CPA4: variants seen among roughly 807,000 people sequenced by gnomAD.
CPA4 encodes the protein carboxypeptidase A4.
CPA4 carries 49 observed loss-of-function variants against 54.7 expected under a neutral mutation model. The ratio of observed to expected loss-of-function variants is 0.90; its 90% CI spans 0.71 to 1.14. CPA4 has a LOEUF of 1.14. Among genes scored for constraint, CPA4 ranks in the 50% most tolerant of loss-of-function variants. The pLI is 0.00. For missense variants in CPA4, 487 were observed against 525.1 expected (o/e 0.93, Z 0.71); for synonymous variants, 215 against 206.8 (o/e 1.04, Z -0.34).
chr7:130,315,959 C>A (rs575485484), intron 10 of CPA4, among the ~76,000 whole-genome samples: 1 of 152,030 alleles, frequency 6.6e-6, no homozygotes, highest in Non-Finnish European at 1.5e-5. Context: ...CTCATAAAAG[C>A]GTTGTTTTTT....
intron 10 of CPA4, among the ~76,000 whole-genome samples, chr7:130,315,239 G>A (rs572460577): frequency 6.6e-6 from 1 of 152,032 alleles, no homozygotes; most frequent in Non-Finnish European, 1.5e-5. Flanking sequence ...GTAGAAGAGG[G>A]GAAACGAGAG....
intron 1 of CPA4, among the ~76,000 whole-genome samples, chr7:130,297,387 C>T (rs1793666506): frequency 1.3e-5 from 2 of 152,198 alleles, no homozygotes; most frequent in Admixed American, 1.3e-4. Flanking sequence ...AGACTGAGAC[C>T]TGCCCACCCA....
intron 1 of CPA4, 93 bp from the exon 2 acceptor site, chr7:130,298,653 G>A: frequency 2.6e-6 from 2 of 759,554 alleles, no homozygotes; most frequent in East Asian, 4.9e-5. Flanking sequence ...TTTTGGCCTG[G>A]TTACGTCTGG....
At chr7:130,293,891 G>C (rs531681652) in intron 1 of CPA4, among the ~76,000 whole-genome samples, 3 of 151,840 alleles carry the variant, frequency 2.0e-5, no homozygotes, top group African/African-American at 7.3e-5. Context: ...GTGTGTGCGC[G>C]TGTGTGTGTG....
chr7:130,300,904 C>T lies in CPA4; in HGVS notation c.374C>T (p.Ser125Phe). The change falls in exon 4 of 11, where the codon TCC becomes TTC. Residue 125 changes from serine (S) to phenylalanine (F), a missense_variant. Transcript: ENST00000222482. ...SNNFNYGAYH[S>F]LEAIYHEMDN... Reference sequence around the variant, plus strand: ...AACTTCAACTACGGGGCTTACCATTCCCTGGAAGCTGTAAGTGTTTCAGAG... The same window carrying T: ...AACTTCAACTACGGGGCTTACCATTTCCTGGAAGCTGTAAGTGTTTCAGAG... 6.2e-7 allele frequency: 1 copy of T among 1,609,180 alleles called. No homozygotes were observed. Among genetic ancestry groups the T allele is most frequent in the Admixed American group, 1.7e-5 (1 of 60,004 alleles).
intron 6 of CPA4, 186 bp downstream of exon 6, chr7:130,306,106 G>T (rs750073332): frequency 1.9e-4 from 116 of 601,162 alleles, no homozygotes; most frequent in Middle Eastern, 1.8e-3. Flanking sequence ...CGGCCAAATT[G>T]ATTGCGTTCC....
At chr7:130,321,641 C>T (rs1794103165) in intron 10 of CPA4, among the ~76,000 whole-genome samples, 1 of 152,132 alleles carries the variant, frequency 6.6e-6, no homozygotes, top group Non-Finnish European at 1.5e-5. Context: ...CTGGTGAGGC[C>T]TCACAATCAT....
chr7:130,298,864 A>G (rs188666924), intron 2 of CPA4, 37 bp downstream of exon 2: 7 of 1,244,744 alleles, frequency 5.6e-6, no homozygotes, highest in Middle Eastern at 1.9e-4. Flanking sequence ...AGTGTTTTCT[A>G]ACTTTGCTGG....
intron 10 of CPA4, among the ~76,000 whole-genome samples, chr7:130,313,387 T>A (rs777583952): frequency 6.6e-6 from 1 of 152,198 alleles, no homozygotes; most frequent in Non-Finnish European, 1.5e-5. Flanking sequence ...TAGCCCTTTT[T>A]AAAAGTTTTT....
chr7:130,309,083 T>C (rs1793872940), intron 8 of CPA4, among the ~76,000 whole-genome samples: 1 of 152,164 alleles, frequency 6.6e-6, no homozygotes, highest in South Asian at 2.1e-4. Flanking sequence ...TGAACTCAGG[T>C]CATCTGCCCG....
In CPA4 at chr7:130,302,568, T is replaced by C. The variant is rs560575990; in HGVS notation, c.384+1654T>C. Among the ~76,000 whole-genome samples, 16 of 152,142 alleles carry C rather than the reference T, an allele frequency of 1.1e-4. No individual in the cohort carries two copies. In the South Asian group the frequency reaches 2.1e-3, roughly 20 times the overall value. ...TCTTAGGTCTCTAGTGGGAATTTCA[T>C]GTTTGTCTCTGCCAGAGTTTCTGGT... On this transcript the variant is annotated intron_variant, in intron 4 of 10. Transcript: ENST00000222482.
At chr7:130,315,123 G>A (rs970360873) in intron 10 of CPA4, among the ~76,000 whole-genome samples, 1 of 151,936 alleles carries the variant, frequency 6.6e-6, no homozygotes, top group Non-Finnish European at 1.5e-5. Context: ...GGAATTGGGG[G>A]TAGGACTGGG....
Position 130,299,252 on chromosome 7 carries a change from C to A in CPA4, c.151-18C>A. The A allele has an allele frequency of 6.2e-7, 1 of 1,613,134 alleles. No individual in the cohort carries two copies. The highest frequency in any genetic ancestry group is 1.7e-4 in the Middle Eastern group (1 of 6,060). On this transcript the variant is annotated intron_variant, in intron 2 of 10. Transcript: ENST00000222482. ...CCTGAACGGTCCTTTAACCTGGTTT[C>A]ATTTCTGTTCCCTTCAGCTCAATTT...
At position 130,306,775 on chromosome 7, in the gene CPA4, G is replaced by A. The variant is rs754768041; in HGVS notation, c.592-12G>A. 2.7e-6 allele frequency: 4 copies of A among 1,458,200 alleles called. No homozygotes were observed. The highest frequency in any genetic ancestry group is 3.3e-5 in the Admixed American group (2 of 59,714). 90.3% of individuals were successfully genotyped at this position (1,458,200 alleles called of 1,614,324 possible). A position where few individuals can be genotyped will look rare whatever the true frequency, so the allele number is the denominator to read the frequency against. On this transcript the variant is annotated splice_polypyrimidine_tract_variant and intron_variant, in intron 6 of 10. Coordinates refer to ENST00000222482, the MANE Select transcript of CPA4 (RefSeq NM_016352.4). ...CCATGGGATAGCTGACAAGCATATT[G>A]TCTCTGCTTAGATTGTATCTGATTA...
chr7:130,306,311 A>T (rs932948487), intron 6 of CPA4: 3 of 256,652 alleles, frequency 1.2e-5, no homozygotes, highest in Non-Finnish European at 1.5e-5. Context: ...TGAACCCAGG[A>T]GGCGGAGGTT....
intron 6 of CPA4, 43 bp downstream of exon 6, chr7:130,305,963 G>C: frequency 4.6e-6 from 7 of 1,524,778 alleles, no homozygotes; most frequent in Non-Finnish European, 6.4e-6. Context: ...ATGGTGCCGG[G>C]GTGCCCCTGC....
intron 1 of CPA4, chr7:130,293,594 A>G (rs2117125867): frequency 4.3e-6 from 1 of 230,222 alleles, no homozygotes; most frequent in East Asian, 1.5e-4. Flanking sequence ...CTACGTTATT[A>G]ATTACTAAGA....
intron 10 of CPA4, among the ~76,000 whole-genome samples, chr7:130,318,641 C>T (rs1014947723): frequency 1.3e-5 from 2 of 152,060 alleles, no homozygotes; most frequent in African/African-American, 4.8e-5. Context: ...GAGCTCCCGA[C>T]CTCAGGTGAT....
At chr7:130,299,180 C>A in intron 2 of CPA4, 90 bp from the exon 3 acceptor site, 1 of 1,362,140 alleles carries the variant, frequency 7.3e-7, no homozygotes, top group Non-Finnish European at 1.0e-6. Flanking sequence ...AGGGATCACC[C>A]TGGCTTTTGG....
Sources: gnomAD v4.1 joint callset for allele counts (sites outside exome capture counted in the v4.1 genomes callset) on GRCh38, gnomAD v4.1.1 for gene constraint, MANE v1.5 for transcripts, NCBI Gene and HGNC (gene_info 2026-07-23, HGNC 2026-07-21) for gene names.